IQCJ: variants seen among roughly 807,000 people sequenced by gnomAD.
IQCJ encodes the protein IQ motif containing J, also known as IQ domain-containing protein J.
In IQCJ, 9 loss-of-function variants were observed where a neutral mutation model predicts 11.0. The ratio of observed to expected loss-of-function variants is 0.82; its 90% CI spans 0.49 to 1.43. The LOEUF (loss-of-function observed/expected upper bound fraction) is 1.43. IQCJ is among the 40% of genes most tolerant of loss of function. The pLI, the probability that IQCJ is intolerant of heterozygous loss-of-function variation, is 0.00. For missense variants in IQCJ, 146 were observed against 133.2 expected, an observed-to-expected ratio of 1.10 and a Z score of -0.47; for synonymous variants, 55 against 51.3, an observed-to-expected ratio of 1.07 and a Z score of -0.31.
intron 1 of IQCJ, among the ~76,000 whole-genome samples, chr3:159,186,364 AT>A (rs1328028731): frequency 6.6e-6 from 1 of 152,236 alleles, no homozygotes; most frequent in Non-Finnish European, 1.5e-5. Flanking sequence ...AGGATCCTAA[AT>A]CATAATTAAA....
intron 1 of IQCJ, among the ~76,000 whole-genome samples, chr3:159,144,651 T>TACACACACAC (rs1720819860): frequency 4.0e-5 from 3 of 75,658 alleles, no homozygotes; most frequent in Admixed American, 3.6e-4. Flanking sequence ...TACACACACA[T>TACACACACAC]ACACACACAG....
At chr3:159,085,336 G>A (rs1716654616) in intron 1 of IQCJ, among the ~76,000 whole-genome samples, 1 of 151,716 alleles carries the variant, frequency 6.6e-6, no homozygotes, top group African/African-American at 2.4e-5. Context: ...ATTTGGGTTG[G>A]TTCCAAGTCT....
chr3:159,070,104 A>G (rs2108038629), intron 1 of IQCJ: 1 of 170,454 alleles, frequency 5.9e-6, no homozygotes, highest in East Asian at 1.5e-4. Context: ...TGCTTGAATA[A>G]TAAGTAGATG....
intron 3 of IQCJ, among the ~76,000 whole-genome samples, chr3:159,262,055 C>A (rs1230249515): frequency 6.6e-6 from 1 of 152,230 alleles, no homozygotes. Flanking sequence ...ACCTTGCAGT[C>A]ATGCAAAGGA....
intron 1 of IQCJ, among the ~76,000 whole-genome samples, chr3:159,191,120 T>TA (rs1427058899): frequency 6.6e-6 from 1 of 152,150 alleles, no homozygotes; most frequent in African/African-American, 2.4e-5. Context: ...AGCCTTTACA[T>TA]AGGCCTGAAA....
At chr3:159,150,683 T>C (rs73027693) in intron 1 of IQCJ, among the ~76,000 whole-genome samples, 5,870 of 152,224 alleles carry the variant, frequency 0.039, 394 homozygotes, top group African/African-American at 0.13. Context: ...GTACCCTTTG[T>C]GTCCTAATGT....
At chr3:159,264,222 T>C (rs984185349), downstream of IQCJ, among the ~76,000 whole-genome samples, 3 of 152,216 alleles carry the variant, frequency 2.0e-5, no homozygotes, top group African/African-American at 7.2e-5. Flanking sequence ...AAAGTTTTAG[T>C]GTTGCTTTAG....
intron 1 of IQCJ, among the ~76,000 whole-genome samples, chr3:159,177,353 A>G (rs563916893): frequency 1.8e-4 from 28 of 152,340 alleles, no homozygotes; most frequent in African/African-American, 6.5e-4. Context: ...CTGACAACAA[A>G]CAATAACTGA....
In IQCJ at chr3:159,091,656, A is replaced by ACACACACG. The variant is rs1559981768; in HGVS notation, c.9+22222_9+22223insGCACACAC. 3.8e-3 allele frequency among the ~76,000 whole-genome samples: 226 copies of ACACACACG among 59,624 alleles called. 10 individuals carry two copies. Among genetic ancestry groups the ACACACACG allele is most frequent in the African/African-American group, 0.011 (223 of 20,236 alleles). The allele number at this position is 59,624 out of a possible 152,430, so 39.1% of individuals were successfully genotyped here. A position where few individuals can be genotyped will look rare whatever the true frequency, so the allele number is the denominator to read the frequency against. On this transcript the variant is annotated intron_variant, in intron 1 of 3. Coordinates refer to ENST00000397832, the MANE Select transcript of IQCJ (RefSeq NM_001042706.3). ...AACCTAAAGGGGTATTTACACACAC[A>ACACACACG]CACACACACACACGCATGCACACAC...
chr3:159,168,758 A>G (rs1722315188), intron 1 of IQCJ, among the ~76,000 whole-genome samples: 1 of 152,174 alleles, frequency 6.6e-6, no homozygotes, highest in Non-Finnish European at 1.5e-5. Context: ...AATATTCCAT[A>G]ACATTCATTG....
intron 1 of IQCJ, among the ~76,000 whole-genome samples, chr3:159,210,507 G>A (rs1043439729): frequency 6.6e-6 from 1 of 152,124 alleles, no homozygotes; most frequent in Admixed American, 6.5e-5. Context: ...AGGTCATTTT[G>A]GGTGGTGTTT....
rs548777411 is a variant in IQCJ at position 159,114,313 on chromosome 3, G to GTTTT, written c.9+44882_9+44885dup. Among the ~76,000 whole-genome samples the GTTTT allele has an allele frequency of 1.0e-3, 144 of 143,032 alleles. 1 individual carries two copies. Among genetic ancestry groups the GTTTT allele is most frequent in the South Asian group, 5.3e-3 (24 of 4,542 alleles). The allele number at this position is 143,032 out of a possible 152,430, so 93.8% of individuals were successfully genotyped here. A position where few individuals can be genotyped will look rare whatever the true frequency, so the allele number is the denominator to read the frequency against. On this transcript the variant is annotated intron_variant, in intron 1 of 3. Transcript: ENST00000397832. ...CACACAAGACTTCTTGTTTCTAAAT[G>GTTTT]TTTTTTTTTTTTTCTGAGACGTAGT... is the stretch of plus-strand genomic sequence containing the variant.
intron 1 of IQCJ, among the ~76,000 whole-genome samples, chr3:159,188,445 AAAC>A (rs543145812): frequency 3.3e-4 from 51 of 152,272 alleles, no homozygotes; most frequent in Admixed American, 7.2e-4. Context: ...AAAAACAAAA[AAAC>A]AACAAAAATT....
chr3:159,071,261 ATAT>A (rs1715542349), intron 1 of IQCJ, among the ~76,000 whole-genome samples: 1 of 151,824 alleles, frequency 6.6e-6, no homozygotes, highest in African/African-American at 2.4e-5. Context: ...TTAAAACAGC[ATAT>A]TATATTAGGA....
chr3:159,254,302 G>C (rs1156771613), intron 3 of IQCJ, among the ~76,000 whole-genome samples: 1 of 152,126 alleles, frequency 6.6e-6, no homozygotes, highest in Non-Finnish European at 1.5e-5. Context: ...TAGGGGCTGT[G>C]GGGTAGGTAC....
At chr3:159,110,945 C>T (rs986940732) in intron 1 of IQCJ, among the ~76,000 whole-genome samples, 14 of 152,188 alleles carry the variant, frequency 9.2e-5, no homozygotes, top group South Asian at 4.2e-4. Flanking sequence ...ACAATAGAGA[C>T]GAAAAGAAAA....
intron 1 of IQCJ, among the ~76,000 whole-genome samples, chr3:159,209,201 C>G (rs1724815475): frequency 6.6e-6 from 1 of 152,252 alleles, no homozygotes; most frequent in Admixed American, 6.5e-5. Context: ...GAGAAGAGAA[C>G]AAGTGGCTGA....
chr3:159,129,212 C>T (rs1041953913), intron 1 of IQCJ, among the ~76,000 whole-genome samples: 9 of 152,200 alleles, frequency 5.9e-5, no homozygotes, highest in Admixed American at 4.6e-4. Context: ...AAATAATTTG[C>T]CTGGGCCACA....
intron 1 of IQCJ, among the ~76,000 whole-genome samples, chr3:159,090,952 T>A (rs1306499153): frequency 6.6e-6 from 1 of 151,944 alleles, no homozygotes; most frequent in African/African-American, 2.4e-5. Context: ...CCCAGTTGAT[T>A]TGTATTATAA....
Sources: allele counts gnomAD v4.1 joint callset (sites outside exome capture counted in the v4.1 genomes callset), GRCh38; gene constraint gnomAD v4.1.1; transcripts MANE v1.5; gene names NCBI Gene and HGNC (gene_info 2026-07-23, HGNC 2026-07-21).